Variants in PALLD observed in about 807,000 individuals in gnomAD.
PALLD encodes the protein palladin.
In PALLD, 61 loss-of-function variants were observed where a neutral mutation model predicts 123.5. The ratio of observed to expected loss-of-function variants is 0.49; its 90% CI spans 0.40 to 0.61. The LOEUF (loss-of-function observed/expected upper bound fraction) is 0.61. Among genes scored for constraint, PALLD ranks in the 20% least tolerant of loss-of-function variants. The probability of loss-of-function intolerance (pLI) is 0.00; values close to 1 mark genes in which losing one functional copy is unlikely to be tolerated. For missense variants in PALLD, 1,273 were observed against 1,377.0 expected, an observed-to-expected ratio of 0.92 and a Z score of 1.20; for synonymous variants, 465 against 496.4, an observed-to-expected ratio of 0.94 and a Z score of 0.84.
Position 168,727,800 on chromosome 4 carries a change from G to C in PALLD, c.1964+15877G>C, listed in dbSNP as rs1223019037. Among the ~76,000 whole-genome samples the C allele has an allele frequency of 2.0e-5, 3 of 152,080 alleles. No individual in the cohort carries two copies. In the East Asian group the frequency reaches 5.8e-4, roughly 29 times the overall value. Reference sequence around the variant, plus strand: ...GATTTGCCAAAGCTGAGGTCAAGAAGGTTATTTCCTAGGTTTTCTTCTAGG... The same window carrying C: ...GATTTGCCAAAGCTGAGGTCAAGAACGTTATTTCCTAGGTTTTCTTCTAGG... On this transcript the variant is annotated intron_variant, in intron 10 of 21. Coordinates refer to ENST00000505667, the MANE Select transcript of PALLD (RefSeq NM_001166108.2).
intron 2 of PALLD, among the ~76,000 whole-genome samples, chr4:168,585,451 G>A (rs1252752944): frequency 6.6e-6 from 1 of 152,086 alleles, no homozygotes; most frequent in Non-Finnish European, 1.5e-5. Context: ...TTTGCAACCA[G>A]CCTTATGCCT....
chr4:168,783,046 A>G (rs4478145), intron 10 of PALLD, among the ~76,000 whole-genome samples: 36,998 of 115,606 alleles, frequency 0.32, 5,254 homozygotes, highest in East Asian at 0.55. Flanking sequence ...TTATATATAT[A>G]TGTGTGTGTG....
intron 17 of PALLD, among the ~76,000 whole-genome samples, chr4:168,920,805 A>C (rs1401403566): frequency 6.6e-6 from 1 of 152,214 alleles, no homozygotes; most frequent in Non-Finnish European, 1.5e-5. Context: ...TGACGAATGC[A>C]TTCTCCATAA....
chr4:168,763,934 G>T (rs900586139), intron 10 of PALLD, among the ~76,000 whole-genome samples: 2 of 152,080 alleles, frequency 1.3e-5, no homozygotes, highest in Non-Finnish European at 2.9e-5. Context: ...TGTTCTTCTA[G>T]GTCAAATAAC....
chr4:168,621,392 T>C (rs1335188109), intron 2 of PALLD, among the ~76,000 whole-genome samples: 1 of 152,078 alleles, frequency 6.6e-6, no homozygotes, highest in Non-Finnish European at 1.5e-5. Flanking sequence ...AGGGTAAAAA[T>C]CCCTAGCCCG....
intron 10 of PALLD, chr4:168,863,645 T>C (rs2151042287): frequency 6.6e-6 from 1 of 152,320 alleles, no homozygotes; most frequent in East Asian, 1.9e-4. Context: ...AAAAGTTTCC[T>C]CTATGAGGTC....
At chr4:168,766,641 G>C (rs1733703598) in intron 10 of PALLD, among the ~76,000 whole-genome samples, 1 of 152,240 alleles carries the variant, frequency 6.6e-6, no homozygotes, top group Admixed American at 6.5e-5. Flanking sequence ...GCGGGGGAAA[G>C]AGTATAGGAT....
intron 10 of PALLD, among the ~76,000 whole-genome samples, chr4:168,810,215 T>C (rs980768520): frequency 4.0e-5 from 6 of 151,772 alleles, no homozygotes; most frequent in Middle Eastern, 3.4e-3. Context: ...GAAAAGAGCA[T>C]ATATAGACCA....
chr4:168,890,231 G>C (rs1169073572), intron 10 of PALLD, among the ~76,000 whole-genome samples: 1 of 152,158 alleles, frequency 6.6e-6, no homozygotes, highest in East Asian at 1.9e-4. Context: ...GAGGCAGTGA[G>C]ATATCACCTG....
At chr4:168,686,081 C>G (rs1417170193) in intron 6 of PALLD, among the ~76,000 whole-genome samples, 1 of 151,816 alleles carries the variant, frequency 6.6e-6, no homozygotes, top group Non-Finnish European at 1.5e-5. Context: ...TTAAAAGGCC[C>G]AAATAAATGG....
chr4:168,762,661 GA>G (rs1374427549), intron 10 of PALLD, among the ~76,000 whole-genome samples: 1 of 152,220 alleles, frequency 6.6e-6, no homozygotes, highest in African/African-American at 2.4e-5. Context: ...TTGACCCAGC[GA>G]TCCCATTACT....
chr4:168,547,566 C>CAAAAAA (rs11339394), intron 2 of PALLD, among the ~76,000 whole-genome samples: 6 of 70,932 alleles, frequency 8.5e-5, no homozygotes, highest in African/African-American at 1.2e-4. Context: ...TAATAAAATA[C>CAAAAAA]AAAAAAAAAA....
At chr4:168,917,933 G>A (rs1040714597) in intron 17 of PALLD, among the ~76,000 whole-genome samples, 1 of 152,136 alleles carries the variant, frequency 6.6e-6, no homozygotes, top group Non-Finnish European at 1.5e-5. Flanking sequence ...GGGCACAGTG[G>A]CACACGCCTG....
Position 168,709,072 on chromosome 4 carries a change from G to T in PALLD, c.1546G>T (p.Ala516Ser), listed in dbSNP as rs188921921. The change falls in exon 9 of 22, where the codon GCA (alanine) becomes TCA (serine). Residue 516 changes from alanine to serine, a missense_variant. Transcript: ENST00000505667. Reference sequence around the variant, plus strand: ...TATCGCTGAGACTTTCCCTGAAGATGCAGGGATCTTTACATGTTCAGCAAG... The same window carrying T: ...TATCGCTGAGACTTTCCCTGAAGATTCAGGGATCTTTACATGTTCAGCAAG... ...LVIAETFPED[A>S]GIFTCSARND... The T allele has an allele frequency of 1.2e-6, 2 of 1,610,288 alleles. No homozygotes were observed. Among genetic ancestry groups the T allele is most frequent in the East Asian group, 2.2e-5 (1 of 44,848 alleles).
In PALLD at chr4:168,753,222, A is replaced by G. The variant is rs369514042; in HGVS notation, c.1964+41299A>G. On this transcript the variant is annotated intron_variant, in intron 10 of 21. Coordinates refer to ENST00000505667, the MANE Select transcript of PALLD (RefSeq NM_001166108.2). ...TAATCCCCACCTTACATGCCATTTA[A>G]GTACAAGGAGAAAGTAGGGAGGTAT... is the stretch of plus-strand genomic sequence containing the variant. 2.0e-5 allele frequency among the ~76,000 whole-genome samples: 3 copies of G among 152,280 alleles called. No individual in the cohort carries two copies. In the East Asian group the frequency reaches 5.8e-4, roughly 29 times the overall value.
At chr4:168,713,972 A>G (rs1270946610) in intron 10 of PALLD, among the ~76,000 whole-genome samples, 1 of 109,202 alleles carries the variant, frequency 9.2e-6, no homozygotes, top group Non-Finnish European at 1.8e-5. Context: ...TTTTTTTCAA[A>G]TCTTCGTATG....
chr4:168,735,987 A>G (rs1787711874), intron 10 of PALLD, among the ~76,000 whole-genome samples: 1 of 152,214 alleles, frequency 6.6e-6, no homozygotes, highest in Non-Finnish European at 1.5e-5. Flanking sequence ...TGCCAAAAGG[A>G]AACAGCATAG....
chr4:168,898,245 A>G (rs1755683558), intron 13 of PALLD: 1 of 515,240 alleles, frequency 1.9e-6, no homozygotes, highest in Non-Finnish European at 3.5e-6. Flanking sequence ...GAAAAGAAGG[A>G]AAAAAAAATT....
chr4:168,928,397 C>A lies in PALLD; in HGVS notation c.*2217C>A. 1 of 181,006 alleles carries A rather than the reference C, an allele frequency of 5.5e-6. No homozygotes were observed. 11.2% of individuals were successfully genotyped at this position (181,006 alleles called of 1,614,324 possible). Reference sequence around the variant, plus strand: ...TGCTGGTGTAATGTGGATTTAACATCAATAAATATTTGACAAATAATAGTT... The same window carrying A: ...TGCTGGTGTAATGTGGATTTAACATAAATAAATATTTGACAAATAATAGTT... On this transcript the variant is annotated 3_prime_UTR_variant, in exon 22 of 22. Transcript: ENST00000505667.
Sources: allele counts gnomAD v4.1 joint callset (sites outside exome capture counted in the v4.1 genomes callset), GRCh38; gene constraint gnomAD v4.1.1; transcripts MANE v1.5; gene names NCBI Gene and HGNC (gene_info 2026-07-23, HGNC 2026-07-21).